Variants in KLF12 observed in about 807,000 individuals in gnomAD.
The protein encoded by KLF12 is Krueppel-like factor 12.
A neutral mutation model predicts 37.8 loss-of-function variants in KLF12; 9 were observed. That is an observed-to-expected ratio of 0.24 (90% CI 0.14 to 0.42). The LOEUF is 0.42. Ranked by LOEUF, KLF12 falls within the 10% of genes least tolerant of loss-of-function variation. KLF12 has a pLI of 1.00. For synonymous variants in KLF12, 208 were observed against 202.1 expected (o/e 1.03, Z -0.25); for missense variants, 411 against 516.0 (o/e 0.80, Z 1.97).
chr13:73,997,236 C>A (rs756155407), intron 1 of KLF12, among the ~76,000 whole-genome samples: 2 of 152,066 alleles, frequency 1.3e-5, no homozygotes, highest in Non-Finnish European at 2.9e-5. Flanking sequence ...CTGTCTGTCC[C>A]TAGTCTCACC....
intron 1 of KLF12, among the ~76,000 whole-genome samples, chr13:74,111,138 G>C (rs1205985496): frequency 6.8e-6 from 1 of 147,992 alleles, no homozygotes; most frequent in Non-Finnish European, 1.5e-5. Flanking sequence ...GGGCGACAGA[G>C]CAAGACTATG....
chr13:73,923,428 C>T (rs983646065), intron 3 of KLF12, among the ~76,000 whole-genome samples: 2 of 152,130 alleles, frequency 1.3e-5, no homozygotes, highest in Non-Finnish European at 2.9e-5. Flanking sequence ...TCATTTGTGC[C>T]ACTCAGAATG....
chr13:74,186,099 T>C, the KLF12 span, among the ~76,000 whole-genome samples: 1 of 152,152 alleles, frequency 6.6e-6, no homozygotes, highest in Non-Finnish European at 1.5e-5. Context: ...ATTCTTTAAA[T>C]GCATGATCAT....
At chr13:73,920,346 T>C (rs535837723) in intron 3 of KLF12, among the ~76,000 whole-genome samples, 1 of 152,268 alleles carries the variant, frequency 6.6e-6, no homozygotes, top group East Asian at 1.9e-4. Flanking sequence ...TTTTTTTTAA[T>C]GTATGTAAGC....
chr13:74,172,634 T>C, the KLF12 span, among the ~76,000 whole-genome samples: 2 of 152,206 alleles, frequency 1.3e-5, no homozygotes, highest in Non-Finnish European at 2.9e-5. Context: ...ATGAGTCTTT[T>C]TGATGAGTAG....
intron 3 of KLF12, among the ~76,000 whole-genome samples, chr13:73,912,753 T>C (rs1279490508): frequency 6.6e-6 from 1 of 152,222 alleles, no homozygotes; most frequent in African/African-American, 2.4e-5. Flanking sequence ...AGGAAGCTTA[T>C]ACATAGGCTA....
chr13:73,966,468 G>A (rs1891174243), intron 2 of KLF12, among the ~76,000 whole-genome samples: 1 of 152,170 alleles, frequency 6.6e-6, no homozygotes, highest in Non-Finnish European at 1.5e-5. Context: ...GTGTGATTGT[G>A]AGGCCCTGAA....
chr13:73,775,073 A>G (rs1335225797), intron 5 of KLF12, among the ~76,000 whole-genome samples: 1 of 152,016 alleles, frequency 6.6e-6, no homozygotes, highest in Non-Finnish European at 1.5e-5. Flanking sequence ...ATGTGCCACC[A>G]TGCCTGGCTA....
chr13:74,190,813 T>G, the KLF12 span, among the ~76,000 whole-genome samples: 2 of 152,230 alleles, frequency 1.3e-5, no homozygotes, highest in Non-Finnish European at 2.9e-5. Context: ...TGACAACTTA[T>G]CACTAAGAGA....
At chr13:73,713,083 C>T (rs916301913) in intron 7 of KLF12, among the ~76,000 whole-genome samples, 11 of 152,094 alleles carry the variant, frequency 7.2e-5, no homozygotes, top group Non-Finnish European at 1.5e-4. Flanking sequence ...ACACAGTGAT[C>T]AGTTGGAGTG....
intron 5 of KLF12, among the ~76,000 whole-genome samples, chr13:73,810,666 A>ACACAC (rs1594117764): frequency 1.8e-5 from 2 of 109,854 alleles, no homozygotes; most frequent in African/African-American, 6.7e-5. Context: ...CACACACACA[A>ACACAC]ATTAAATACA....
chr13:73,837,164 T>C (rs1175016627), intron 4 of KLF12, among the ~76,000 whole-genome samples: 2 of 152,188 alleles, frequency 1.3e-5, no homozygotes, highest in African/African-American at 2.4e-5. Context: ...TTATTTACTA[T>C]TTAATGCAGG....
intron 5 of KLF12, among the ~76,000 whole-genome samples, chr13:73,809,225 AT>A: frequency 6.6e-6 from 1 of 152,268 alleles, no homozygotes; most frequent in African/African-American, 2.4e-5. Context: ...AAATGTTTTC[AT>A]TTTTTTACAT....
chr13:74,141,341 A>G, the KLF12 span, among the ~76,000 whole-genome samples: 1 of 152,216 alleles, frequency 6.6e-6, no homozygotes, highest in African/African-American at 2.4e-5. Flanking sequence ...AGTTGAAGCT[A>G]AAATGAATTA....
chr13:74,122,947 C>CAAAACA (rs1877719437), intron 1 of KLF12, among the ~76,000 whole-genome samples: 1 of 42,720 alleles, frequency 2.3e-5, no homozygotes, highest in Non-Finnish European at 4.8e-5. Context: ...AAGTAAAAGA[C>CAAAACA]AAAACAGGTC....
At chr13:73,873,110 A>G (rs1016692877) in intron 3 of KLF12, among the ~76,000 whole-genome samples, 4 of 152,086 alleles carry the variant, frequency 2.6e-5, no homozygotes, top group Non-Finnish European at 5.9e-5. Flanking sequence ...ATGGGTTTAA[A>G]GCCTAAAGAA....
At chr13:74,156,025 A>G in the KLF12 span, among the ~76,000 whole-genome samples, 1 of 152,180 alleles carries the variant, frequency 6.6e-6, no homozygotes, top group Admixed American at 6.5e-5. Flanking sequence ...TGGTTGTGCC[A>G]CTTCTATGTT....
At chr13:73,723,016 T>TATGACA (rs2137742786) in intron 6 of KLF12, among the ~76,000 whole-genome samples, 1 of 152,322 alleles carries the variant, frequency 6.6e-6, no homozygotes, top group South Asian at 2.1e-4. Flanking sequence ...AACTTAAAAG[T>TATGACA]ATGACAAGCT....
chr13:74,032,481 A>T (rs1678865526), intron 1 of KLF12, among the ~76,000 whole-genome samples: 1 of 152,148 alleles, frequency 6.6e-6, no homozygotes, highest in Non-Finnish European at 1.5e-5. Context: ...TCATTCTTGT[A>T]TCTGCTACTT....
Sources: gnomAD v4.1 joint callset for allele counts (sites outside exome capture counted in the v4.1 genomes callset) on GRCh38, gnomAD v4.1.1 for gene constraint, MANE v1.5 for transcripts, NCBI Gene and HGNC (gene_info 2026-07-23, HGNC 2026-07-21) for gene names.